The following FARP1 variants were observed in gnomAD, a reference collection of about 807,000 sequenced individuals.
FARP1 encodes FERM, ARHGEF and pleckstrin domain-containing protein 1.
Under a neutral mutation model 128.8 loss-of-function variants are expected in FARP1, and 52 were observed. The ratio of observed to expected loss-of-function variants is 0.40; its 90% CI spans 0.32 to 0.51. The LOEUF (loss-of-function observed/expected upper bound fraction) is 0.51, where lower values mean the gene tolerates loss of function less well. Among genes scored for constraint, FARP1 ranks in the 20% least tolerant of loss-of-function variants. FARP1 has a pLI of 0.45. For missense variants in FARP1, 1,333 were observed against 1,367.9 expected, an observed-to-expected ratio of 0.97 and a Z score of 0.40; for synonymous variants, 580 against 551.8, an observed-to-expected ratio of 1.05 and a Z score of -0.72.
intron 2 of FARP1, among the ~76,000 whole-genome samples, chr13:98,281,437 A>G (rs959767811): frequency 2.6e-5 from 4 of 151,634 alleles, no homozygotes; most frequent in African/African-American, 7.3e-5. Flanking sequence ...TGGCTCTTGT[A>G]TGTCTATTCA....
chr13:98,437,771 C>T, intron 19 of FARP1: 2 of 1,512,300 alleles, frequency 1.3e-6, no homozygotes, highest in Non-Finnish European at 1.8e-6. Flanking sequence ...ACCAGCCTGG[C>T]TCCTTTTCCC....
intron 1 of FARP1, among the ~76,000 whole-genome samples, chr13:98,209,133 C>T (rs1226031487): frequency 5.3e-5 from 8 of 152,222 alleles, no homozygotes; most frequent in Non-Finnish European, 1.2e-4. Context: ...CTCAGCCTCC[C>T]GAGTAGCTGG....
chr13:98,186,680 G>A (rs1878892769), intron 1 of FARP1, among the ~76,000 whole-genome samples: 1 of 151,834 alleles, frequency 6.6e-6, no homozygotes, highest in South Asian at 2.1e-4. Flanking sequence ...TTGCTTCTAC[G>A]TTTTGGCTGT....
At position 98,435,623 on chromosome 13, in the gene FARP1, A is replaced by G; in HGVS notation, c.2191A>G (p.Met731Val). 1 of 1,614,048 alleles carries G rather than the reference A, an allele frequency of 6.2e-7. No individual in the cohort carries two copies. ...GATGGTGGCACAGCTCCACGGTACG[A>G]TGATCAAGATGGAGAATTTCCAGAA... Reference protein sequence around the residue: ...TEMVAQLHGTMIKMENFQKLH... With the variant: ...TEMVAQLHGTVIKMENFQKLH... The change falls in exon 19 of 27, where the codon ATG becomes GTG. Residue 731 changes from methionine to valine, a missense_variant. Met to Val is a conservative substitution (Grantham distance 21, BLOSUM62 1). This residue lies in a region of FARP1 where 1,009 missense variants were observed against 969.8 expected (regional missense o/e 1.04). Coordinates refer to ENST00000319562, the MANE Select transcript of FARP1 (RefSeq NM_005766.4).
At chr13:98,330,595 G>A (rs685906) in intron 2 of FARP1, among the ~76,000 whole-genome samples, 73,923 of 151,624 alleles carry the variant, frequency 0.49, 18,100 homozygotes, top group African/African-American at 0.53. Context: ...TCTCTACTAA[G>A]AATACAAAAA....
chr13:98,256,859 C>CTGTAATTTTTACTTGTCAAT (rs1883612198), intron 2 of FARP1, among the ~76,000 whole-genome samples: 1 of 115,642 alleles, frequency 8.6e-6, no homozygotes, highest in Admixed American at 9.9e-5. Context: ...CACACTTGGC[C>CTGTAATTTTTACTTGTCAAT]TTACTACAGT....
intron 18 of FARP1, 38 bp from the exon 19 acceptor site, chr13:98,435,538 C>T: frequency 6.4e-7 from 1 of 1,572,590 alleles, no homozygotes; most frequent in East Asian, 2.2e-5. Flanking sequence ...CCCTGCCTGC[C>T]TTTCCCGCTG....
rs147038830 is a variant in FARP1, at chr13:98,202,407, C to A, written c.-23-10813C>A. On this transcript the variant is annotated intron_variant, in intron 1 of 26. Coordinates refer to ENST00000319562, the MANE Select transcript of FARP1 (RefSeq NM_005766.4). ...CAGAAGTGGTTGGAGGACCCAGAACCCAGCCCTTTGGCTTCCTGCAGCTCT... is the reference window on the plus strand; with the variant it reads ...CAGAAGTGGTTGGAGGACCCAGAACACAGCCCTTTGGCTTCCTGCAGCTCT... Among the ~76,000 whole-genome samples, 382 of 152,358 alleles carry A rather than the reference C, an allele frequency of 2.5e-3. 3 individuals carry two copies. The highest frequency in any genetic ancestry group is 8.9e-3 in the African/African-American group (369 of 41,590).
chr13:98,240,747 C>T (rs777422568), intron 2 of FARP1, among the ~76,000 whole-genome samples: 32 of 152,302 alleles, frequency 2.1e-4, no homozygotes, highest in Middle Eastern at 3.4e-3. Context: ...ACAAATAACA[C>T]CTGAGAGAGT....
At chr13:98,241,087 T>C (rs917804440) in intron 2 of FARP1, among the ~76,000 whole-genome samples, 7 of 152,150 alleles carry the variant, frequency 4.6e-5, no homozygotes, top group Non-Finnish European at 1.0e-4. Context: ...GTGGGCAAAC[T>C]TAAGGGACTG....
At chr13:98,162,402 A>T (rs58801265) in intron 1 of FARP1, among the ~76,000 whole-genome samples, 14,182 of 152,162 alleles carry the variant, frequency 0.093, 856 homozygotes, top group African/African-American at 0.16. Flanking sequence ...GTGTACCAAC[A>T]ATTCTGGCTT....
At chr13:98,277,277 C>T (rs1358391280) in intron 2 of FARP1, among the ~76,000 whole-genome samples, 3 of 152,058 alleles carry the variant, frequency 2.0e-5, no homozygotes, top group South Asian at 2.1e-4. Context: ...CATGGCCTCG[C>T]GTGTAGCTGG....
intron 2 of FARP1, among the ~76,000 whole-genome samples, chr13:98,286,747 T>G (rs1251140636): frequency 6.6e-6 from 1 of 152,202 alleles, no homozygotes. Flanking sequence ...ATTGATCCAG[T>G]CAACATTTAC....
chr13:98,339,624 G>T (rs571370125), intron 2 of FARP1, among the ~76,000 whole-genome samples: 15 of 152,292 alleles, frequency 9.8e-5, no homozygotes, highest in African/African-American at 3.4e-4. Flanking sequence ...AGGGGAATTT[G>T]TGTAATGCTT....
At chr13:98,259,139 A>C (rs1883752870) in intron 2 of FARP1, among the ~76,000 whole-genome samples, 1 of 152,136 alleles carries the variant, frequency 6.6e-6, no homozygotes, top group Non-Finnish European at 1.5e-5. Context: ...CGAGCCTGGG[A>C]GGTCGAGGCT....
chr13:98,160,829 A>AT (rs1049358679), intron 1 of FARP1, among the ~76,000 whole-genome samples: 11 of 151,568 alleles, frequency 7.3e-5, no homozygotes, highest in South Asian at 4.2e-4. Flanking sequence ...TGCCTGGCTA[A>AT]TTTTTTTTGT....
At chr13:98,416,264 T>C (rs1891372429) in intron 16 of FARP1, among the ~76,000 whole-genome samples, 1 of 152,226 alleles carries the variant, frequency 6.6e-6, no homozygotes, top group Non-Finnish European at 1.5e-5. Flanking sequence ...TGGAAAGAGA[T>C]CTAAAGTATA....
chr13:98,440,911 G>C (rs1892497749), intron 24 of FARP1, 75 bp downstream of exon 24: 22 of 1,434,432 alleles, frequency 1.5e-5, no homozygotes, highest in Non-Finnish European at 2.1e-5. Flanking sequence ...TTCTGGGCCA[G>C]GGGCTTGAGG....
At chr13:98,177,553 A>G (rs1878180059) in intron 1 of FARP1, among the ~76,000 whole-genome samples, 1 of 152,076 alleles carries the variant, frequency 6.6e-6, no homozygotes, top group Non-Finnish European at 1.5e-5. Flanking sequence ...AGGCTGAGGC[A>G]GAAGAATCGC....
Sources: gnomAD v4.1 joint callset for allele counts (sites outside exome capture counted in the v4.1 genomes callset) on GRCh38, gnomAD v4.1.1 for gene constraint, gnomAD v4.1.1 regional missense constraint, MANE v1.5 for transcripts, NCBI Gene and HGNC (gene_info 2026-07-23, HGNC 2026-07-21) for gene names.